The following RAPGEF1 variants were observed in gnomAD, a reference collection of about 807,000 sequenced individuals.
RAPGEF1 encodes the protein Rap guanine nucleotide exchange factor 1, also known as CRK SH3-binding GNRP.
Under a neutral mutation model 143.3 loss-of-function variants are expected in RAPGEF1, and 33 were observed. The observed-to-expected ratio is 0.23, with a 90% CI of 0.17 to 0.31. The LOEUF is 0.31. Ranked by LOEUF, RAPGEF1 falls within the 10% of genes least tolerant of loss-of-function variation. The pLI is 1.00. For synonymous variants in RAPGEF1, 629 were observed against 676.5 expected, an observed-to-expected ratio of 0.93 and a Z score of 1.09; for missense variants, 1,199 against 1,645.4, an observed-to-expected ratio of 0.73 and a Z score of 4.69.
intron 7 of RAPGEF1, 42 bp downstream of exon 7, chr9:131,629,060 A>T (rs764008145): frequency 6.3e-7 from 1 of 1,587,294 alleles, no homozygotes; most frequent in African/African-American, 1.3e-5. Flanking sequence ...TTTCTTTCTC[A>T]TTCTGCCATG....
At chr9:131,705,404 A>G (rs1834978173) in intron 1 of RAPGEF1, among the ~76,000 whole-genome samples, 5 of 152,238 alleles carry the variant, frequency 3.3e-5, no homozygotes. Flanking sequence ...AAATAACACA[A>G]TAAGATGCAG....
chr9:131,634,152 C>G (rs965414910), intron 5 of RAPGEF1, among the ~76,000 whole-genome samples: 1 of 152,118 alleles, frequency 6.6e-6, no homozygotes, highest in Admixed American at 6.5e-5. Flanking sequence ...ACTCCGGAGG[C>G]TGAGGCTGGA....
At chr9:131,622,251 C>T (rs1057270089) in intron 10 of RAPGEF1, among the ~76,000 whole-genome samples, 1 of 152,146 alleles carries the variant, frequency 6.6e-6, no homozygotes, top group Non-Finnish European at 1.5e-5. Context: ...GGGACTCAAG[C>T]GAGGGCACAT....
At chr9:131,733,941 GGAA>G (rs1837255448) in intron 1 of RAPGEF1, among the ~76,000 whole-genome samples, 1 of 152,210 alleles carries the variant, frequency 6.6e-6, no homozygotes, top group Non-Finnish European at 1.5e-5. Context: ...CTGGAGACCA[GGAA>G]ACATTTGGGG....
At chr9:131,613,203 G>A (rs1305817410) in intron 12 of RAPGEF1, among the ~76,000 whole-genome samples, 9 of 152,226 alleles carry the variant, frequency 5.9e-5, no homozygotes, top group Non-Finnish European at 1.2e-4. Context: ...CAGGGCACTG[G>A]GGCAGGGCGG....
At chr9:131,602,254 A>G in intron 14 of RAPGEF1, 105 bp from the exon 15 acceptor site, 1 of 730,310 alleles carries the variant, frequency 1.4e-6, no homozygotes, top group Middle Eastern at 2.4e-4. Context: ...GCAAGTTCCT[A>G]TGGAGCAATC....
chr9:131,628,733 A>C lies in RAPGEF1; in HGVS notation c.894-61T>G, dbSNP rs900996605. ...ACACTCACCAAAGCTCTTCAGCGTGATATTGGGGTACAGGATGTGGGGTTC... is the reference window on the plus strand; with the variant it reads ...ACACTCACCAAAGCTCTTCAGCGTGCTATTGGGGTACAGGATGTGGGGTTC... On this transcript the variant is annotated intron_variant, in intron 7 of 26. Coordinates refer to ENST00000683357, the MANE Select transcript of RAPGEF1 (RefSeq NM_001377935.1). This position sits in a 1 kb window ranked among gnomAD's most constrained non-coding sequence, Gnocchi z 5.7. 59 of 1,528,174 alleles carry C rather than the reference A, an allele frequency of 3.9e-5. No individual in the cohort carries two copies. Among genetic ancestry groups the C allele is most frequent in the Non-Finnish European group, 4.7e-5 (53 of 1,132,866 alleles). 94.7% of individuals were successfully genotyped at this position (1,528,174 alleles called of 1,614,324 possible).
chr9:131,684,696 A>G (rs56072648), intron 1 of RAPGEF1, among the ~76,000 whole-genome samples: 30,378 of 152,244 alleles, frequency 0.2, 3,806 homozygotes, highest in Non-Finnish European at 0.28. Context: ...GAGAGATCCG[A>G]TAACAAAAAG....
intron 3 of RAPGEF1, among the ~76,000 whole-genome samples, chr9:131,648,618 A>C (rs540823086): frequency 6.6e-6 from 1 of 152,340 alleles, no homozygotes; most frequent in South Asian, 2.1e-4. Context: ...ATTGCAATAA[A>C]AAATAACTGT....
intron 1 of RAPGEF1, among the ~76,000 whole-genome samples, chr9:131,705,024 G>C (rs536231709): frequency 6.6e-6 from 1 of 152,288 alleles, no homozygotes; most frequent in African/African-American, 2.4e-5. Flanking sequence ...GATAGAGGAA[G>C]GTGTACCTAT....
At chr9:131,659,672 G>A (rs796169089) in intron 1 of RAPGEF1, among the ~76,000 whole-genome samples, 9 of 152,312 alleles carry the variant, frequency 5.9e-5, no homozygotes, top group African/African-American at 2.2e-4. Flanking sequence ...TGTAAAGCAT[G>A]TAGCCAAGGA....
intron 12 of RAPGEF1, among the ~76,000 whole-genome samples, chr9:131,612,684 C>T (rs1208424672): frequency 6.6e-6 from 1 of 152,182 alleles, no homozygotes; most frequent in Non-Finnish European, 1.5e-5. Flanking sequence ...TACCTCCTTC[C>T]ACAAGACCAG....
intron 12 of RAPGEF1, 53 bp from the exon 13 acceptor site, chr9:131,605,241 GA>G (rs879357841): frequency 2.5e-5 from 31 of 1,216,410 alleles, no homozygotes; most frequent in Non-Finnish European, 2.5e-5. Context: ...GAAGAAAAGA[GA>G]AAAAGTAATT....
intron 12 of RAPGEF1, among the ~76,000 whole-genome samples, chr9:131,614,385 T>C (rs1217656804): frequency 6.6e-6 from 1 of 152,238 alleles, no homozygotes; most frequent in East Asian, 1.9e-4. Flanking sequence ...CATGGGCCAT[T>C]CCGTTTTCCT....
intron 1 of RAPGEF1, among the ~76,000 whole-genome samples, chr9:131,730,747 C>T (rs181283957): frequency 4.4e-3 from 636 of 144,446 alleles, no homozygotes; most frequent in Non-Finnish European, 5.8e-3. Flanking sequence ...GAAAGGGCTC[C>T]GGGGTGGGTT....
chr9:131,725,949 C>T (rs989319482), intron 1 of RAPGEF1, among the ~76,000 whole-genome samples: 49 of 151,738 alleles, frequency 3.2e-4, no homozygotes, highest in East Asian at 9.8e-4. Context: ...TTAGTAGAGA[C>T]GGGGTTTCAC....
chr9:131,739,323 C>T (rs143335482), intron 1 of RAPGEF1, among the ~76,000 whole-genome samples: 1 of 152,366 alleles, frequency 6.6e-6, no homozygotes, highest in Non-Finnish European at 1.5e-5. Context: ...CCGAAGTGGA[C>T]GCTTCTCGTT....
chr9:131,670,278 T>C (rs538251534), intron 1 of RAPGEF1, among the ~76,000 whole-genome samples: 2 of 152,266 alleles, frequency 1.3e-5, no homozygotes, highest in East Asian at 1.9e-4. Flanking sequence ...AGAGGACTTT[T>C]CTTATTTCCT....
At chr9:131,721,296 C>T (rs1204761952) in intron 1 of RAPGEF1, among the ~76,000 whole-genome samples, 1 of 152,210 alleles carries the variant, frequency 6.6e-6, no homozygotes, top group African/African-American at 2.4e-5. Flanking sequence ...GATGCCAGGA[C>T]AGCAGGCAGA....
Sources: gnomAD v4.1 joint callset for allele counts (sites outside exome capture counted in the v4.1 genomes callset) on GRCh38, gnomAD v4.1.1 for gene constraint, Gnocchi (gnomAD v3.1) non-coding constraint, MANE v1.5 for transcripts, NCBI Gene and HGNC (gene_info 2026-07-23, HGNC 2026-07-21) for gene names.